Variants in STN1 observed in about 807,000 individuals in gnomAD.
The protein encoded by STN1 is STN1 subunit of CST complex, also known as CST complex subunit STN1.
A neutral mutation model predicts 45.5 loss-of-function variants in STN1; 29 were observed. The ratio of observed to expected loss-of-function variants is 0.64; its 90% CI spans 0.47 to 0.87. The LOEUF is 0.87. Ranked by LOEUF, STN1 falls within the 40% of genes least tolerant of loss-of-function variation. The pLI, the probability that STN1 is intolerant of heterozygous loss-of-function variation, is 0.00. For missense variants in STN1, 376 were observed against 441.4 expected (o/e 0.85, Z 1.33); for synonymous variants, 148 against 159.0 (o/e 0.93, Z 0.52).
At chr10:103,897,497 G>A (rs746143778) in intron 7 of STN1, 51 bp downstream of exon 7, 2 of 1,518,966 alleles carry the variant, frequency 1.3e-6, no homozygotes, top group African/African-American at 2.7e-5. Context: ...ACCTGCAGTT[G>A]CAGATCTGGG....
In STN1 at chr10:103,898,890, C is replaced by T; in HGVS notation, c.568G>A (p.Glu190Lys). The change falls in exon 6 of 10, where the codon GAA becomes AAA. Residue 190 changes from glutamate (E) to lysine (K), a missense_variant. Glu to Lys is a moderately conservative substitution (Grantham distance 56, BLOSUM62 1). Transcript: ENST00000224950. Reference sequence around the variant, plus strand: ...GTCACCACTTACCTTAGTGCCTCTTCTTTCTCTAGGGCTGAGCTGTGAAAA... The same window carrying T: ...GTCACCACTTACCTTAGTGCCTCTTTTTTCTCTAGGGCTGAGCTGTGAAAA... The part of the protein sequence containing the change: ...QPFHSSALEK[E>K]EALSNPGALD... 1 of 1,613,890 alleles carries T rather than the reference C, an allele frequency of 6.2e-7. No homozygotes were observed.
In STN1 at chr10:103,900,042, T is replaced by C. The variant is rs1331494442; in HGVS notation, c.457+20A>G. The C allele has an allele frequency of 1.2e-6, 2 of 1,607,944 alleles. No individual in the cohort carries two copies. Among genetic ancestry groups the C allele is most frequent in the East Asian group, 2.2e-5 (1 of 44,800 alleles). On this transcript the variant is annotated intron_variant, in intron 5 of 9. Coordinates refer to ENST00000224950, the MANE Select transcript of STN1 (RefSeq NM_024928.5). ...ACATCCAGAAAAACCACCAATTTGG[T>C]AGAAATATCTTGTGCTTACAGTAAG...
intron 9 of STN1, among the ~76,000 whole-genome samples, chr10:103,883,067 C>T (rs1316410663): frequency 6.6e-6 from 1 of 152,254 alleles, no homozygotes; most frequent in Non-Finnish European, 1.5e-5. Flanking sequence ...CTCAGGGACT[C>T]TGAACTTCAA....
At chr10:103,913,846 T>C (rs976969565) in intron 2 of STN1, among the ~76,000 whole-genome samples, 47 of 151,192 alleles carry the variant, frequency 3.1e-4, no homozygotes, top group Non-Finnish European at 6.5e-4. Context: ...GTTCCTGCTG[T>C]TCCACATGCA....
intron 8 of STN1, among the ~76,000 whole-genome samples, chr10:103,890,508 C>G (rs1256661080): frequency 6.6e-6 from 1 of 152,228 alleles, no homozygotes; most frequent in Non-Finnish European, 1.5e-5. Context: ...ACGCCTTGCC[C>G]TGGACTGCTG....
At chr10:103,883,497 GA>G (rs1478328672) in intron 9 of STN1, among the ~76,000 whole-genome samples, 1 of 152,042 alleles carries the variant, frequency 6.6e-6, no homozygotes, top group Non-Finnish European at 1.5e-5. Flanking sequence ...TTGGTAATGA[GA>G]AAATGAAATA....
chr10:103,908,406 G>C (rs551628545), intron 3 of STN1, among the ~76,000 whole-genome samples: 1 of 71,234 alleles, frequency 1.4e-5, no homozygotes, highest in Non-Finnish European at 2.9e-5. Context: ...ACACAGTACC[G>C]CCTGGGCCGC....
chr10:103,912,272 G>A (rs994549636), intron 2 of STN1, among the ~76,000 whole-genome samples: 12 of 152,082 alleles, frequency 7.9e-5, no homozygotes, highest in African/African-American at 2.7e-4. Flanking sequence ...CGCCCATGCT[G>A]GCCTCAAACT....
chr10:103,899,764 T>C (rs1413000735), intron 5 of STN1, among the ~76,000 whole-genome samples: 1 of 152,106 alleles, frequency 6.6e-6, no homozygotes, highest in Non-Finnish European at 1.5e-5. Context: ...CCCTAATGGA[T>C]TGACATTCTG....
At position 103,898,960 on chromosome 10, in the gene STN1, C is replaced by T; in HGVS notation, c.498G>A (p.Arg166=). 3.1e-6 allele frequency: 5 copies of T among 1,614,140 alleles called. No individual in the cohort carries two copies. Among genetic ancestry groups the T allele is most frequent in the South Asian group, 2.2e-5 (2 of 91,078 alleles). The change falls in exon 6 of 10, where the codon AGG becomes AGA. Residue 166 remains arginine (R), a synonymous_variant. Coordinates refer to ENST00000224950, the MANE Select transcript of STN1 (RefSeq NM_024928.5). ...DDPVWNIQIA[R]MLELPTIYRK... Reference sequence around the variant, plus strand: ...TGTAGATAGTGGGCAGCTCAAGCATCCTTGCAATTTGAATGTTCCACACTG... The same window carrying T: ...TGTAGATAGTGGGCAGCTCAAGCATTCTTGCAATTTGAATGTTCCACACTG...
intron 8 of STN1, among the ~76,000 whole-genome samples, chr10:103,890,297 C>T (rs957594695): frequency 6.6e-6 from 1 of 152,162 alleles, no homozygotes; most frequent in African/African-American, 2.4e-5. Flanking sequence ...GAAGATTAAA[C>T]AAGGTCATGT....
intron 6 of STN1, chr10:103,898,461 G>A (rs1258036969): frequency 6.4e-6 from 1 of 157,332 alleles, no homozygotes; most frequent in African/African-American, 2.4e-5. Flanking sequence ...ACGTGCTATG[G>A]TATCATATTT....
At chr10:103,905,849 C>CA (rs1843237069) in intron 3 of STN1, among the ~76,000 whole-genome samples, 1 of 151,992 alleles carries the variant, frequency 6.6e-6, no homozygotes, top group South Asian at 2.1e-4. Context: ...CTCATTTTTG[C>CA]AAAAAATCAA....
chr10:103,909,480 ATATATATGTGTGTGTG>A (rs1843272474), intron 3 of STN1, among the ~76,000 whole-genome samples: 2 of 109,548 alleles, frequency 1.8e-5, no homozygotes, highest in Non-Finnish European at 3.7e-5. Flanking sequence ...GTATATATGT[ATATATATGTGTGTGTG>A]TATATGTATA....
intron 7 of STN1, among the ~76,000 whole-genome samples, chr10:103,894,675 C>T (rs114314508): frequency 1.3e-3 from 184 of 143,968 alleles, no homozygotes; most frequent in African/African-American, 4.2e-3. Context: ...TTTAGGAAAC[C>T]GAAATTGCTC....
chr10:103,910,997 G>A (rs1395783090), intron 2 of STN1, among the ~76,000 whole-genome samples: 2 of 134,258 alleles, frequency 1.5e-5, no homozygotes, highest in Admixed American at 1.7e-4. Flanking sequence ...AGGAAACCAT[G>A]AGAAAGGCTT....
At chr10:103,914,358 A>AT (rs1564636116) in intron 2 of STN1, among the ~76,000 whole-genome samples, 1 of 12,770 alleles carries the variant, frequency 7.8e-5, no homozygotes, top group Non-Finnish European at 2.2e-4. Flanking sequence ...ATATATATAT[A>AT]TATATATATA....
chr10:103,908,400 A>G (rs1310725506), intron 3 of STN1, among the ~76,000 whole-genome samples: 2 of 118,136 alleles, frequency 1.7e-5, no homozygotes, highest in East Asian at 5.5e-4. Flanking sequence ...GCAGCTACAC[A>G]GTACCGCCTG....
chr10:103,909,815 T>A (rs1843278679), intron 3 of STN1, among the ~76,000 whole-genome samples: 1 of 152,078 alleles, frequency 6.6e-6, no homozygotes, highest in South Asian at 2.1e-4. Context: ...AGCAAAGGTT[T>A]GGAATTTAAA....
Sources: gnomAD v4.1 joint callset for allele counts (sites outside exome capture counted in the v4.1 genomes callset) on GRCh38, gnomAD v4.1.1 for gene constraint, MANE v1.5 for transcripts, NCBI Gene and HGNC (gene_info 2026-07-23, HGNC 2026-07-21) for gene names.